GMDS: variants seen among roughly 807,000 people sequenced by gnomAD.
GMDS encodes GDP-mannose 4,6-dehydratase, also known as GDP-mannose 4,6 dehydratase.
GMDS carries 20 observed loss-of-function variants against 49.9 expected under a neutral mutation model. That is an observed-to-expected ratio of 0.40 (90% confidence interval 0.28 to 0.58). The LOEUF (loss-of-function observed/expected upper bound fraction) is 0.58. Among genes scored for constraint, GMDS ranks in the 20% least tolerant of loss-of-function variants. The probability of loss-of-function intolerance (pLI) is 0.42; values close to 1 mark genes in which losing one functional copy is unlikely to be tolerated. For missense variants in GMDS, 362 were observed against 481.4 expected (o/e 0.75, Z 2.32); for synonymous variants, 177 against 178.6 (o/e 0.99, Z 0.07).
At chr6:1,925,698 G>C (rs1313744488) in intron 7 of GMDS, among the ~76,000 whole-genome samples, 1 of 152,210 alleles carries the variant, frequency 6.6e-6, no homozygotes, top group Non-Finnish European at 1.5e-5. Flanking sequence ...ATAAAAGAGA[G>C]AGGTTGTGAT....
rs3800109 is a variant in GMDS, at chr6:1,868,963, G to A, written c.771+61140C>T. Among the ~76,000 whole-genome samples, 79 of 150,818 alleles carry A rather than the reference G, an allele frequency of 5.2e-4. 1 individual carries two copies. The East Asian group carries it at 0.014, about 27-fold the overall frequency. ...TAATATGTTCTTACAATGTGAACAC[G>A]TACAAGTGAAATAATAAAGTGCAAA... On this transcript the variant is annotated intron_variant, in intron 7 of 10. Coordinates refer to ENST00000380815, the MANE Select transcript of GMDS (RefSeq NM_001500.4).
chr6:1,811,827 T>C (rs1770443424), intron 7 of GMDS, among the ~76,000 whole-genome samples: 1 of 152,216 alleles, frequency 6.6e-6, no homozygotes, highest in Admixed American at 6.5e-5. Context: ...TACAGTACAA[T>C]GTCCACAGAA....
chr6:1,814,789 A>T (rs1032960490), intron 7 of GMDS, among the ~76,000 whole-genome samples: 3 of 152,178 alleles, frequency 2.0e-5, no homozygotes, highest in Non-Finnish European at 4.4e-5. Flanking sequence ...CTGTTTTATA[A>T]TTCAGTCTCT....
intron 4 of GMDS, among the ~76,000 whole-genome samples, chr6:1,971,629 C>A (rs1373211592): frequency 1.3e-5 from 2 of 152,168 alleles, no homozygotes; most frequent in Non-Finnish European, 2.9e-5. Context: ...TCCCCAAACG[C>A]ACCCTGCTCC....
chr6:2,220,478 T>C (rs933807939), intron 1 of GMDS, among the ~76,000 whole-genome samples: 1 of 152,212 alleles, frequency 6.6e-6, no homozygotes, highest in Non-Finnish European at 1.5e-5. Flanking sequence ...TGTGAGACAA[T>C]AATTGCTTAT....
intron 7 of GMDS, among the ~76,000 whole-genome samples, chr6:1,784,375 G>C (rs1206610014): frequency 2.6e-5 from 3 of 114,780 alleles, no homozygotes; most frequent in South Asian, 3.0e-4. Context: ...CTGGGTGACA[G>C]AGCAAGACTC....
chr6:1,777,774 T>A (rs551313066), intron 7 of GMDS, among the ~76,000 whole-genome samples: 1 of 152,242 alleles, frequency 6.6e-6, no homozygotes, highest in Non-Finnish European at 1.5e-5. Context: ...GGGTATAAAG[T>A]ACCTTCTCCA....
intron 7 of GMDS, among the ~76,000 whole-genome samples, chr6:1,799,356 T>C (rs1312382233): frequency 3.3e-5 from 5 of 152,168 alleles, no homozygotes; most frequent in African/African-American, 9.7e-5. Context: ...GGATGGCATA[T>C]ATCTAAGAAA....
At chr6:2,086,853 T>C (rs1477060448) in intron 4 of GMDS, among the ~76,000 whole-genome samples, 1 of 152,244 alleles carries the variant, frequency 6.6e-6, no homozygotes, top group African/African-American at 2.4e-5. Flanking sequence ...TAGTGTATTA[T>C]TGTTGCCATG....
At chr6:2,178,052 A>C (rs1364377749) in intron 1 of GMDS, among the ~76,000 whole-genome samples, 1 of 152,130 alleles carries the variant, frequency 6.6e-6, no homozygotes, top group Non-Finnish European at 1.5e-5. Context: ...ACCAAATCCC[A>C]CATATTTTCA....
intron 7 of GMDS, among the ~76,000 whole-genome samples, chr6:1,859,027 A>C (rs1758066783): frequency 6.6e-6 from 1 of 152,080 alleles, no homozygotes; most frequent in South Asian, 2.1e-4. Context: ...CTCAGGTCTG[A>C]GGTGACGCAG....
At chr6:2,086,570 C>A (rs1210179153) in intron 4 of GMDS, among the ~76,000 whole-genome samples, 1 of 152,244 alleles carries the variant, frequency 6.6e-6, no homozygotes, top group Non-Finnish European at 1.5e-5. Flanking sequence ...GACTCGGGGA[C>A]TTCGAAACAA....
At chr6:2,203,199 T>TG (rs755441964) in intron 1 of GMDS, among the ~76,000 whole-genome samples, 3 of 152,106 alleles carry the variant, frequency 2.0e-5, no homozygotes, top group Non-Finnish European at 4.4e-5. Flanking sequence ...ACTGGGGGGT[T>TG]GGGGGGTAGT....
At position 1,689,511 on chromosome 6, in the gene GMDS, T is replaced by C. The variant is rs115971374; in HGVS notation, c.987+36905A>G. On this transcript the variant is annotated intron_variant, in intron 9 of 10. Coordinates refer to ENST00000380815, the MANE Select transcript of GMDS (RefSeq NM_001500.4). ...ATAATGTTAGAAATGACACCACCTC[T>C]TTGAATCAGATACATTTGTATCTTC... Among the ~76,000 whole-genome samples the C allele has an allele frequency of 8.5e-3, 1,302 of 152,340 alleles. 24 individuals are homozygous for C. Among genetic ancestry groups the C allele is most frequent in the African/African-American group, 0.03 (1,243 of 41,574 alleles).
Position 1,635,826 on chromosome 6 carries a change from C to T in GMDS, c.988-11286G>A, listed in dbSNP as rs577079660. On this transcript the variant is annotated intron_variant, in intron 9 of 10. Coordinates refer to ENST00000380815, the MANE Select transcript of GMDS (RefSeq NM_001500.4). This position sits in a 1 kb window ranked among gnomAD's most constrained non-coding sequence, Gnocchi z 4.7. ...TGATTACAGCCTTGTACATAACCCACAGCCACTCCAGGCAAGCAGGGCCCA... is the reference window on the plus strand; with the variant it reads ...TGATTACAGCCTTGTACATAACCCATAGCCACTCCAGGCAAGCAGGGCCCA... Among the ~76,000 whole-genome samples, 4 of 152,356 alleles carry T rather than the reference C, an allele frequency of 2.6e-5. No individual in the cohort carries two copies. The highest frequency in any genetic ancestry group is 4.1e-4 in the South Asian group (2 of 4,826).
intron 1 of GMDS, among the ~76,000 whole-genome samples, chr6:2,151,528 A>C (rs575304292): frequency 6.6e-6 from 1 of 152,220 alleles, no homozygotes; most frequent in South Asian, 2.1e-4. Flanking sequence ...TAATGCCAGG[A>C]AGGTAAATTC....
At chr6:1,913,337 T>C (rs9405524) in intron 7 of GMDS, among the ~76,000 whole-genome samples, 73,030 of 142,928 alleles carry the variant, frequency 0.51, 21,414 homozygotes, top group East Asian at 0.83. Context: ...GCCGAGATCC[T>C]GCCACTGCAC....
chr6:2,212,504 A>G (rs138635607), intron 1 of GMDS, among the ~76,000 whole-genome samples: 126 of 152,328 alleles, frequency 8.3e-4, no homozygotes, highest in African/African-American at 3.0e-3. Context: ...GTTATAGGAT[A>G]TTCCTTATGT....
At chr6:1,786,382 A>G (rs1007001799) in intron 7 of GMDS, among the ~76,000 whole-genome samples, 4 of 152,238 alleles carry the variant, frequency 2.6e-5, no homozygotes, top group African/African-American at 9.6e-5. Context: ...AAGCACCAGT[A>G]AGAACCAAGG....
Sources: gnomAD v4.1 joint callset for allele counts (sites outside exome capture counted in the v4.1 genomes callset) on GRCh38, gnomAD v4.1.1 for gene constraint, Gnocchi (gnomAD v3.1) non-coding constraint, MANE v1.5 for transcripts, NCBI Gene and HGNC (gene_info 2026-07-23, HGNC 2026-07-21) for gene names.